GRID2: variants seen among roughly 807,000 people sequenced by gnomAD.
GRID2 encodes glutamate receptor ionotropic, delta-2.
In GRID2, 33 loss-of-function variants were observed where a neutral mutation model predicts 114.8. The observed-to-expected ratio is 0.29, with a 90% CI of 0.22 to 0.38. The LOEUF is 0.38. GRID2 is among the 10% of genes least tolerant of loss of function. The probability of loss-of-function intolerance (pLI) is 1.00; values close to 1 mark genes in which losing one functional copy is unlikely to be tolerated. For missense variants in GRID2, 1,184 were observed against 1,257.7 expected (o/e 0.94, Z 0.89); for synonymous variants, 505 against 449.9 (o/e 1.12, Z -1.55).
Position 92,456,161 on chromosome 4 carries a change from G to GA in GRID2, c.89-133959dup, listed in dbSNP as rs113019215. Reference sequence around the variant, plus strand: ...ATGAACTTTTTTGGCAGCTTTCCCAGAAAAAAAAAAATCCCTCTAGCATTT... The same window carrying GA: ...ATGAACTTTTTTGGCAGCTTTCCCAGAAAAAAAAAAAATCCCTCTAGCATTT... On this transcript the variant is annotated intron_variant, in intron 1 of 15. Coordinates refer to ENST00000282020, the MANE Select transcript of GRID2 (RefSeq NM_001510.4). 6.6e-3 allele frequency among the ~76,000 whole-genome samples: 952 copies of GA among 145,178 alleles called. 2 individuals are homozygous for GA. The highest frequency in any genetic ancestry group is 0.025 in the Middle Eastern group (7 of 276).
rs896514350 is a variant in GRID2, at chr4:93,450,248, A to G, written c.1546-5414A>G. ...GCAGATCTATTTAGATTGATAACAT[A>G]ATGTATGGATGACAAAACTAAAACA... is the stretch of plus-strand genomic sequence containing the variant. On this transcript the variant is annotated intron_variant, in intron 10 of 15. Transcript: ENST00000282020. 6.6e-5 allele frequency among the ~76,000 whole-genome samples: 10 copies of G among 152,004 alleles called. No individual in the cohort carries two copies. In the South Asian group the frequency reaches 1.7e-3, roughly 25 times the overall value.
chr4:93,303,446 C>T (rs934346551), intron 8 of GRID2, among the ~76,000 whole-genome samples: 31 of 152,256 alleles, frequency 2.0e-4, no homozygotes, highest in African/African-American at 7.2e-4. Flanking sequence ...AGAGTAGGGT[C>T]CTTGTCATTC....
chr4:92,723,233 T>A (rs769775653), intron 2 of GRID2, among the ~76,000 whole-genome samples: 25 of 152,116 alleles, frequency 1.6e-4, no homozygotes, highest in Non-Finnish European at 2.5e-4. Context: ...GAGTATTGAT[T>A]AAATTGGAAT....
chr4:93,042,629 A>G (rs147081016), intron 2 of GRID2, among the ~76,000 whole-genome samples: 1 of 142,378 alleles, frequency 7.0e-6, no homozygotes, highest in African/African-American at 2.6e-5. Flanking sequence ...CTCTCTCTAT[A>G]TATATATATA....
intron 6 of GRID2, 26 bp downstream of exon 6, chr4:93,216,937 C>A: frequency 6.5e-7 from 1 of 1,545,400 alleles, no homozygotes; most frequent in Non-Finnish European, 8.9e-7. Flanking sequence ...CAGGATATTT[C>A]TTCCAGGGTG....
intron 13 of GRID2, among the ~76,000 whole-genome samples, chr4:93,554,613 A>C (rs1734119424): frequency 6.6e-6 from 1 of 152,054 alleles, no homozygotes; most frequent in Non-Finnish European, 1.5e-5. Flanking sequence ...CATATTTTCC[A>C]AATTAGAGAT....
At chr4:92,822,083 C>G (rs187627109) in intron 2 of GRID2, 140 of 310,416 alleles carry the variant, frequency 4.5e-4, no homozygotes, top group African/African-American at 2.9e-3. Context: ...AATGGGGAGT[C>G]TCTGCCTTGC....
At chr4:93,693,047 A>T (rs1020865333) in intron 14 of GRID2, among the ~76,000 whole-genome samples, 2 of 152,176 alleles carry the variant, frequency 1.3e-5, no homozygotes, top group Non-Finnish European at 1.5e-5. Context: ...TTGAACTAAG[A>T]TCTGCTATGT....
intron 3 of GRID2, among the ~76,000 whole-genome samples, chr4:93,089,043 G>A (rs1400535356): frequency 1.3e-5 from 2 of 151,968 alleles, no homozygotes; most frequent in Non-Finnish European, 2.9e-5. Context: ...GCCCTTTGTA[G>A]TAGTTATTAT....
intron 8 of GRID2, among the ~76,000 whole-genome samples, chr4:93,281,778 A>T (rs1220782215): frequency 2.0e-5 from 3 of 152,054 alleles, no homozygotes; most frequent in Admixed American, 6.6e-5. Context: ...GACCATATAT[A>T]GAGAAAGCTA....
At chr4:93,490,838 T>A (rs760005041) in intron 12 of GRID2, 61 bp downstream of exon 12, 67 of 1,136,210 alleles carry the variant, frequency 5.9e-5, no homozygotes, top group Non-Finnish European at 7.9e-5. Flanking sequence ...TGGCCAAAGC[T>A]ATCTGAGAAT....
intron 2 of GRID2, among the ~76,000 whole-genome samples, chr4:92,878,384 C>A (rs1249498851): frequency 6.6e-6 from 1 of 152,088 alleles, no homozygotes; most frequent in African/African-American, 2.4e-5. Context: ...TGTAGCCCAG[C>A]AGTACATTTC....
intron 1 of GRID2, among the ~76,000 whole-genome samples, chr4:92,560,336 C>T (rs951902512): frequency 6.6e-6 from 1 of 152,134 alleles, no homozygotes; most frequent in African/African-American, 2.4e-5. Context: ...TAGGCAGATG[C>T]CAGGTGTATT....
intron 14 of GRID2, 150 bp from the exon 15 acceptor site, chr4:93,769,060 C>T (rs1203148221): frequency 5.7e-6 from 4 of 700,530 alleles, no homozygotes; most frequent in Non-Finnish European, 9.7e-6. Context: ...CTTTCTGTTT[C>T]CTAGCATTCC....
chr4:93,332,158 G>A (rs747088546), intron 8 of GRID2, among the ~76,000 whole-genome samples: 1 of 152,026 alleles, frequency 6.6e-6, no homozygotes, highest in African/African-American at 2.4e-5. Context: ...TGGAATCGCT[G>A]TCTTGTTTCT....
At chr4:93,191,970 T>C (rs927277698) in intron 4 of GRID2, among the ~76,000 whole-genome samples, 1 of 152,230 alleles carries the variant, frequency 6.6e-6, no homozygotes, top group Non-Finnish European at 1.5e-5. Flanking sequence ...TTGTTCTTTT[T>C]ACACCTTCAC....
intron 1 of GRID2, among the ~76,000 whole-genome samples, chr4:92,419,846 A>G (rs976634270): frequency 3.9e-5 from 6 of 152,116 alleles, no homozygotes; most frequent in Non-Finnish European, 5.9e-5. Flanking sequence ...TATATAGTCA[A>G]TAGTAATCAT....
rs1358883606 is a variant in GRID2 at position 92,441,783 on chromosome 4, G to A, written c.88+137039G>A. Reference sequence around the variant, plus strand: ...GGGTGCATGATCGGTCGCCAAGGAGGGAGTAGAGGTATCTTATACTTGTGG... The same window carrying A: ...GGGTGCATGATCGGTCGCCAAGGAGAGAGTAGAGGTATCTTATACTTGTGG... On this transcript the variant is annotated intron_variant, in intron 1 of 15. Transcript: ENST00000282020. Among the ~76,000 whole-genome samples, 5 of 152,164 alleles carry A rather than the reference G, an allele frequency of 3.3e-5. No homozygotes were observed. The East Asian group carries it at 9.7e-4, about 30-fold the overall frequency.
At chr4:92,464,705 T>A (rs62312230) in intron 1 of GRID2, among the ~76,000 whole-genome samples, 26,483 of 152,030 alleles carry the variant, frequency 0.17, 2,653 homozygotes, top group Middle Eastern at 0.28. Flanking sequence ...TTAGTGGAGC[T>A]AGAAATATAA....
Sources: gnomAD v4.1 joint callset for allele counts (sites outside exome capture counted in the v4.1 genomes callset) on GRCh38, gnomAD v4.1.1 for gene constraint, MANE v1.5 for transcripts, NCBI Gene and HGNC (gene_info 2026-07-23, HGNC 2026-07-21) for gene names.